The following FSTL5 variants were observed in gnomAD, a reference collection of about 807,000 sequenced individuals.
FSTL5 encodes follistatin-related protein 5.
A neutral mutation model predicts 89.1 loss-of-function variants in FSTL5; 62 were observed. That is an observed-to-expected ratio of 0.70 (90% CI 0.57 to 0.86). The LOEUF (loss-of-function observed/expected upper bound fraction) is 0.86, where lower values mean the gene tolerates loss of function less well. Among genes scored for constraint, FSTL5 ranks in the 40% least tolerant of loss-of-function variants. FSTL5 has a pLI of 0.00. For synonymous variants in FSTL5, 383 were observed against 346.2 expected (o/e 1.11, Z -1.18); for missense variants, 1,057 against 1,001.6 (o/e 1.06, Z -0.75).
intron 4 of FSTL5, among the ~76,000 whole-genome samples, chr4:161,904,113 A>C (rs1291074792): frequency 6.6e-6 from 1 of 152,062 alleles, no homozygotes; most frequent in Non-Finnish European, 1.5e-5. Flanking sequence ...CTAAAACTTT[A>C]AAGAATAGTT....
chr4:162,048,274 C>T (rs562372102), intron 2 of FSTL5, among the ~76,000 whole-genome samples: 214 of 152,128 alleles, frequency 1.4e-3, no homozygotes, highest in African/African-American at 5.0e-3. Flanking sequence ...TTGCAGTGAG[C>T]GGCGATGGTG....
intron 1 of FSTL5, among the ~76,000 whole-genome samples, chr4:162,163,067 C>T (rs1476378417): frequency 2.0e-5 from 3 of 152,074 alleles, no homozygotes; most frequent in Non-Finnish European, 4.4e-5. Flanking sequence ...TAAATGGACC[C>T]AGCATGATGT....
chr4:161,935,345 G>A (rs1734402996), intron 3 of FSTL5, among the ~76,000 whole-genome samples: 1 of 152,114 alleles, frequency 6.6e-6, no homozygotes, highest in African/African-American at 2.4e-5. Flanking sequence ...CAGTGATGCA[G>A]AATCTTTGCC....
intron 7 of FSTL5, among the ~76,000 whole-genome samples, chr4:161,620,106 G>A (rs564962033): frequency 4.1e-5 from 6 of 146,400 alleles, no homozygotes; most frequent in South Asian, 2.1e-4. Context: ...AAGAACCACC[G>A]CATATTCTCA....
chr4:162,013,942 C>A (rs889855114), intron 3 of FSTL5, among the ~76,000 whole-genome samples: 1 of 152,042 alleles, frequency 6.6e-6, no homozygotes, highest in Non-Finnish European at 1.5e-5. Context: ...TTTAAGCAAA[C>A]TAAGAGCCTC....
intron 13 of FSTL5, 28 bp from the exon 14 acceptor site, chr4:161,459,347 G>A: frequency 1.4e-6 from 2 of 1,433,794 alleles, no homozygotes; most frequent in Non-Finnish European, 2.0e-6. Flanking sequence ...TGAAAAAAAT[G>A]TTTTAGACTA....
intron 8 of FSTL5, among the ~76,000 whole-genome samples, chr4:161,565,790 TG>T (rs780881849): frequency 1.7e-4 from 19 of 110,780 alleles, no homozygotes; most frequent in South Asian, 1.5e-3. Flanking sequence ...CACATATATA[TG>T]ATATTTTCTT....
chr4:161,496,801 GAT>G (rs1491463195), intron 12 of FSTL5, among the ~76,000 whole-genome samples: 1 of 151,576 alleles, frequency 6.6e-6, no homozygotes, highest in East Asian at 1.9e-4. Context: ...TAGAGATAGA[GAT>G]AGAGATAGAG....
intron 7 of FSTL5, among the ~76,000 whole-genome samples, chr4:161,638,912 A>C (rs1183618488): frequency 4.2e-5 from 6 of 141,764 alleles, no homozygotes; most frequent in Non-Finnish European, 7.6e-5. Context: ...TGATTATCTC[A>C]ATAGATGCAG....
At position 162,156,571 on chromosome 4, in the gene FSTL5, G is replaced by A. The variant is rs1733482545; in HGVS notation, c.-17+7044C>T. Among the ~76,000 whole-genome samples, 4 of 152,142 alleles carry A rather than the reference G, an allele frequency of 2.6e-5. No homozygotes were observed. The South Asian group carries it at 8.3e-4, about 32-fold the overall frequency. On this transcript the variant is annotated intron_variant, in intron 1 of 15. Coordinates refer to ENST00000306100, the MANE Select transcript of FSTL5 (RefSeq NM_020116.5). ...GTAATACTACACAGCCATAAAGAAGGATAAGATCATGTCCTGTGCAGCAAT... is the reference window on the plus strand; with the variant it reads ...GTAATACTACACAGCCATAAAGAAGAATAAGATCATGTCCTGTGCAGCAAT...
At chr4:161,513,668 C>G (rs550002930) in intron 10 of FSTL5, among the ~76,000 whole-genome samples, 1 of 152,156 alleles carries the variant, frequency 6.6e-6, no homozygotes, top group South Asian at 2.1e-4. Context: ...ATAAAAAGAA[C>G]AGGATCATGT....
chr4:161,426,569 C>T (rs919854635), intron 15 of FSTL5, among the ~76,000 whole-genome samples: 14 of 152,110 alleles, frequency 9.2e-5, no homozygotes, highest in African/African-American at 3.4e-4. Flanking sequence ...TCTCAAAGCT[C>T]GAGGGAACAA....
chr4:161,990,542 T>C lies in FSTL5; in HGVS notation c.160+43083A>G, dbSNP rs28676318. Among the ~76,000 whole-genome samples, 1,497 of 152,216 alleles carry C rather than the reference T, an allele frequency of 9.8e-3. 27 individuals carry two copies. The highest frequency in any genetic ancestry group is 0.034 in the African/African-American group (1,420 of 41,560). On this transcript the variant is annotated intron_variant, in intron 3 of 15. Coordinates refer to ENST00000306100, the MANE Select transcript of FSTL5 (RefSeq NM_020116.5). The stretch of plus-strand genomic sequence containing the variant: ...ATAAAATATATCAATTATTCTCTTA[T>C]AAACTCAACGTTAACTTATATGCAC...
intron 4 of FSTL5, among the ~76,000 whole-genome samples, chr4:161,828,110 TGA>T (rs1277842167): frequency 6.6e-6 from 1 of 152,238 alleles, no homozygotes; most frequent in African/African-American, 2.4e-5. Context: ...CCCTGGGGAC[TGA>T]GAGAGCCCAC....
intron 12 of FSTL5, among the ~76,000 whole-genome samples, chr4:161,491,234 C>A (rs893550503): frequency 1.3e-5 from 2 of 151,812 alleles, no homozygotes; most frequent in African/African-American, 4.8e-5. Context: ...TCAAGGTCCA[C>A]CGTTAGAAAT....
intron 15 of FSTL5, among the ~76,000 whole-genome samples, chr4:161,399,606 C>G (rs1021236835): frequency 1.9e-4 from 29 of 151,964 alleles, no homozygotes; most frequent in African/African-American, 7.0e-4. Context: ...GGAGCATTTC[C>G]ACATCACTTA....
At chr4:161,958,230 T>G (rs1002169516) in intron 3 of FSTL5, among the ~76,000 whole-genome samples, 1 of 152,052 alleles carries the variant, frequency 6.6e-6, no homozygotes, top group Non-Finnish European at 1.5e-5. Flanking sequence ...AAATTCTTTC[T>G]GTAGTTTCTT....
At chr4:161,457,195 T>A (rs566809584) in intron 14 of FSTL5, among the ~76,000 whole-genome samples, 1 of 152,318 alleles carries the variant, frequency 6.6e-6, no homozygotes, top group African/African-American at 2.4e-5. Flanking sequence ...TCAATCTACC[T>A]ATCTAATCAA....
intron 1 of FSTL5, among the ~76,000 whole-genome samples, chr4:162,161,843 T>C (rs533353633): frequency 6.6e-6 from 1 of 152,178 alleles, no homozygotes; most frequent in East Asian, 1.9e-4. Context: ...TAAATATTTA[T>C]ACCAACATAA....
Sources: allele counts gnomAD v4.1 joint callset (sites outside exome capture counted in the v4.1 genomes callset), GRCh38; gene constraint gnomAD v4.1.1; transcripts MANE v1.5; gene names NCBI Gene and HGNC (gene_info 2026-07-23, HGNC 2026-07-21).